Variants in MAPRE2 observed in about 807,000 individuals in gnomAD.
MAPRE2 encodes the protein microtubule-associated protein RP/EB family member 2.
A neutral mutation model predicts 43.2 loss-of-function variants in MAPRE2; 13 were observed. That is an observed-to-expected ratio of 0.30 (90% CI 0.20 to 0.48). MAPRE2 has a LOEUF of 0.48. MAPRE2 is among the 20% of genes least tolerant of loss of function. The pLI, the probability that MAPRE2 is intolerant of heterozygous loss-of-function variation, is 0.99. For synonymous variants in MAPRE2, 135 were observed against 148.8 expected (o/e 0.91, Z 0.68); for missense variants, 161 against 400.2 (o/e 0.40, Z 5.10).
At chr18:35,060,643 T>C (rs1167869732) in intron 1 of MAPRE2, among the ~76,000 whole-genome samples, 1 of 152,222 alleles carries the variant, frequency 6.6e-6, no homozygotes, top group Non-Finnish European at 1.5e-5. Context: ...ATTTCAGGGC[T>C]GTAGCTATTG....
In MAPRE2 at chr18:34,992,055, G is replaced by C. The variant is rs376777216; in HGVS notation, c.-69-13437G>C. Among the ~76,000 whole-genome samples, 17 of 152,198 alleles carry C rather than the reference G, an allele frequency of 1.1e-4. No homozygotes were observed. The East Asian group carries it at 3.3e-3, about 29-fold the overall frequency. On this transcript the variant is annotated intron_variant, in intron 1 of 7. Coordinates refer to the MAPRE2 transcript ENST00000413393. Reference sequence around the variant, plus strand: ...ATTAAAGAATGATTCATAGCCCTGAGCTTTGTTACCACCCTGTTAATAATT... The same window carrying C: ...ATTAAAGAATGATTCATAGCCCTGACCTTTGTTACCACCCTGTTAATAATT...
At position 35,129,937 on chromosome 18, in the gene MAPRE2, A is replaced by G. The variant is rs573723742; in HGVS notation, c.751-2095A>G. Among the ~76,000 whole-genome samples, 6 of 152,332 alleles carry G rather than the reference A, an allele frequency of 3.9e-5. No homozygotes were observed. The South Asian group carries it at 1.2e-3, about 32-fold the overall frequency. ...AATTTTGCTTGCCAATTGATCTTTCATCATGTAAGTTAGCTAGTGTTGGTT... is the reference window on the plus strand; with the variant it reads ...AATTTTGCTTGCCAATTGATCTTTCGTCATGTAAGTTAGCTAGTGTTGGTT... On this transcript the variant is annotated intron_variant, in intron 5 of 6. Transcript: ENST00000300249.
intron 1 of MAPRE2, among the ~76,000 whole-genome samples, chr18:34,984,915 ATATAATATATTTTAT>A: frequency 3.1e-4 from 3 of 9,548 alleles, no homozygotes; most frequent in Middle Eastern, 0.062. Context: ...GTTATATAAT[ATATAATATATTTTAT>A]GTTATATAAT....
chr18:35,055,537 C>CTCTCTG (rs1555914066), intron 1 of MAPRE2, among the ~76,000 whole-genome samples: 80 of 146,696 alleles, frequency 5.5e-4, no homozygotes, highest in African/African-American at 2.0e-3. Context: ...ATTCAGTTCT[C>CTCTCTG]TGTGTGTGTG....
intron 4 of MAPRE2, 116 bp downstream of exon 4, chr18:35,102,275 C>T: frequency 1.4e-6 from 1 of 716,006 alleles, no homozygotes; most frequent in Non-Finnish European, 2.2e-6. Flanking sequence ...ATTTTAATGC[C>T]TTCGGATGAT....
chr18:35,129,257 T>G (rs61104145), intron 5 of MAPRE2, among the ~76,000 whole-genome samples: 1 of 152,230 alleles, frequency 6.6e-6, no homozygotes, highest in East Asian at 1.9e-4. Flanking sequence ...ACTGTTGACG[T>G]TCCCTCCTTT....
At chr18:35,007,805 G>A (rs1384876246) in intron 2 of MAPRE2, among the ~76,000 whole-genome samples, 1 of 139,396 alleles carries the variant, frequency 7.2e-6, no homozygotes, top group Non-Finnish European at 1.6e-5. Flanking sequence ...TGAACTGCAC[G>A]GGCTTACTTA....
rs547088454 is a variant in MAPRE2 at position 35,028,432 on chromosome 18, T to C, written c.-8+22879T>C. ...AACTCTGAATTTTGCTATTCTTCTATGCAAAATATAGTAAATATATAATGT... is the reference window on the plus strand; with the variant it reads ...AACTCTGAATTTTGCTATTCTTCTACGCAAAATATAGTAAATATATAATGT... On this transcript the variant is annotated intron_variant, in intron 2 of 7. Coordinates refer to the MAPRE2 transcript ENST00000413393. Among the ~76,000 whole-genome samples, 12 of 152,344 alleles carry C rather than the reference T, an allele frequency of 7.9e-5. 1 individual carries two copies. The South Asian group carries it at 2.5e-3, about 32-fold the overall frequency.
chr18:35,015,337 A>C (rs1000767773), intron 2 of MAPRE2, among the ~76,000 whole-genome samples: 1 of 152,114 alleles, frequency 6.6e-6, no homozygotes, highest in Non-Finnish European at 1.5e-5. Context: ...ATAGGGGAAA[A>C]CATGTGGGAG....
intron 2 of MAPRE2, among the ~76,000 whole-genome samples, chr18:35,009,163 G>A (rs1013253437): frequency 6.6e-6 from 1 of 152,080 alleles, no homozygotes; most frequent in African/African-American, 2.4e-5. Context: ...CACCATAGGA[G>A]AAATACAGTT....
intron 6 of MAPRE2, among the ~76,000 whole-genome samples, chr18:35,132,986 G>T (rs1289204475): frequency 6.6e-6 from 1 of 152,216 alleles, no homozygotes; most frequent in Non-Finnish European, 1.5e-5. Context: ...AAGTTGAGGG[G>T]TTGGGGTGTC....
intron 2 of MAPRE2, among the ~76,000 whole-genome samples, chr18:35,011,046 G>A (rs1402284578): frequency 1.3e-5 from 2 of 152,096 alleles, no homozygotes; most frequent in Non-Finnish European, 2.9e-5. Flanking sequence ...CACTGTTCAG[G>A]GGCAGAGGGT....
intron 2 of MAPRE2, among the ~76,000 whole-genome samples, chr18:35,020,174 A>G (rs968009901): frequency 1.3e-5 from 2 of 152,132 alleles, no homozygotes; most frequent in African/African-American, 2.4e-5. Context: ...TGAATCACAG[A>G]TTATCAGGAT....
chr18:34,986,924 A>G (rs1276697601), intron 1 of MAPRE2, among the ~76,000 whole-genome samples: 3 of 152,154 alleles, frequency 2.0e-5, no homozygotes, highest in Non-Finnish European at 4.4e-5. Flanking sequence ...TCCTACTTTT[A>G]TGATACAATA....
intron 6 of MAPRE2, among the ~76,000 whole-genome samples, chr18:35,133,692 C>T (rs570377995): frequency 1.6e-4 from 24 of 152,322 alleles, no homozygotes; most frequent in African/African-American, 5.5e-4. Flanking sequence ...TAACCTCATG[C>T]CAGATTTTGT....
At position 34,985,045 on chromosome 18, in the gene MAPRE2, A is replaced by T. The variant is rs1423732296; in HGVS notation, c.-70+7966A>T. 3.6e-4 allele frequency among the ~76,000 whole-genome samples: 19 copies of T among 52,804 alleles called. 1 individual carries two copies. The highest frequency in any genetic ancestry group is 7.4e-4 in the African/African-American group (9 of 12,170). 34.6% of individuals were successfully genotyped at this position (52,804 alleles called of 152,430 possible). A position where few individuals can be genotyped will look rare whatever the true frequency, so the allele number is the denominator to read the frequency against. On this transcript the variant is annotated intron_variant, in intron 1 of 7. Coordinates refer to the MAPRE2 transcript ENST00000413393. ...TAATATATAAAATATATAATATATA[A>T]AATATATTATATAATATATAAAATA...
chr18:35,132,024 C>T lies in MAPRE2; in HGVS notation c.751-8C>T. 6.2e-7 allele frequency: 1 copy of T among 1,613,820 alleles called. No homozygotes were observed. Among genetic ancestry groups the T allele is most frequent in the Non-Finnish European group, 8.5e-7 (1 of 1,179,900 alleles). ...TGGTTTTTTTTCTTCACTCTCACTC[C>T]CTTGCAGGTACATTCATTAAAACTT... is the stretch of plus-strand genomic sequence containing the variant. On this transcript the variant is annotated splice_polypyrimidine_tract_variant and splice_region_variant and intron_variant, in intron 5 of 6. Transcript: ENST00000300249.
chr18:35,036,232 A>C (rs2097050520), intron 2 of MAPRE2, among the ~76,000 whole-genome samples: 1 of 152,048 alleles, frequency 6.6e-6, no homozygotes. Flanking sequence ...ATCCACATCC[A>C]ATTAGTCACC....
In MAPRE2 at chr18:35,001,350, T is replaced by TA. The variant is rs760874868; in HGVS notation, c.-69-4135dup. On this transcript the variant is annotated intron_variant, in intron 1 of 7. Coordinates refer to the MAPRE2 transcript ENST00000413393. ...CAACATGGTGAAACCCCATCACTAC[T>TA]AAAAAAATACAAAAATTAGTGGGTG... is the stretch of plus-strand genomic sequence containing the variant. Among the ~76,000 whole-genome samples the TA allele has an allele frequency of 9.2e-5, 14 of 151,964 alleles. No individual in the cohort carries two copies. In the East Asian group the frequency reaches 1.4e-3, roughly 15 times the overall value.
Sources: allele counts gnomAD v4.1 joint callset (sites outside exome capture counted in the v4.1 genomes callset), GRCh38; gene constraint gnomAD v4.1.1; transcripts MANE v1.5; gene names NCBI Gene and HGNC (gene_info 2026-07-23, HGNC 2026-07-21).